Variants in NTRK3 observed in about 807,000 individuals in gnomAD.
NTRK3 encodes the protein neurotrophic receptor tyrosine kinase 3.
NTRK3 carries 24 observed loss-of-function variants against 91.7 expected under a neutral mutation model. That is an observed-to-expected ratio of 0.26 (90% CI 0.19 to 0.37). The LOEUF is 0.37. Ranked by LOEUF, NTRK3 falls within the 10% of genes least tolerant of loss-of-function variation. NTRK3 has a pLI of 1.00. For synonymous variants in NTRK3, 483 were observed against 404.0 expected (o/e 1.20, Z -2.34); for missense variants, 880 against 1,068.9 (o/e 0.82, Z 2.46).
chr15:88,023,767 C>A (rs2077787667), intron 14 of NTRK3, among the ~76,000 whole-genome samples: 1 of 152,200 alleles, frequency 6.6e-6, no homozygotes, highest in South Asian at 2.1e-4. Flanking sequence ...CCCAGCCCAG[C>A]CCTGTAACCA....
chr15:88,247,907 G>A (rs1177880914), intron 3 of NTRK3, among the ~76,000 whole-genome samples: 3 of 152,126 alleles, frequency 2.0e-5, no homozygotes, highest in Non-Finnish European at 1.5e-5. Flanking sequence ...AGGGAAGGAC[G>A]CAGAAAGAAG....
At chr15:88,139,087 G>A (rs1416074210) in intron 6 of NTRK3, among the ~76,000 whole-genome samples, 1 of 152,202 alleles carries the variant, frequency 6.6e-6, no homozygotes, top group East Asian at 1.9e-4. Flanking sequence ...TGCTGACACA[G>A]AGATGAAGAA....
chr15:87,993,197 G>A (rs2075419881), intron 14 of NTRK3, among the ~76,000 whole-genome samples: 1 of 152,128 alleles, frequency 6.6e-6, no homozygotes, highest in South Asian at 2.1e-4. Flanking sequence ...TGGAGTCATG[G>A]CCGTACCATT....
intron 13 of NTRK3, among the ~76,000 whole-genome samples, chr15:88,097,505 A>G (rs2049737336): frequency 1.3e-5 from 2 of 152,248 alleles, no homozygotes; most frequent in Admixed American, 1.3e-4. Flanking sequence ...AACACACTTT[A>G]GCAACATGTT....
At chr15:88,226,002 C>T (rs963871599) in intron 3 of NTRK3, among the ~76,000 whole-genome samples, 3 of 152,182 alleles carry the variant, frequency 2.0e-5, no homozygotes, top group African/African-American at 4.8e-5. Context: ...AAGACAAGGG[C>T]GATCCCAGGA....
chr15:88,180,642 A>G (rs1337097067), intron 5 of NTRK3, among the ~76,000 whole-genome samples: 1 of 150,620 alleles, frequency 6.6e-6, no homozygotes, highest in Non-Finnish European at 1.5e-5. Flanking sequence ...TTCTTATTTT[A>G]TACAGAGGAA....
At position 88,142,612 on chromosome 15, in the gene NTRK3, C is replaced by T. The variant is rs547929867; in HGVS notation, c.464+4723G>A. Among the ~76,000 whole-genome samples the T allele has an allele frequency of 3.3e-5, 5 of 152,312 alleles. No individual in the cohort carries two copies. In the South Asian group the frequency reaches 8.3e-4, roughly 25 times the overall value. On this transcript the variant is annotated intron_variant, in intron 6 of 18. Transcript: ENST00000394480. ...GGGGACCCAGATCAGCCAGGACAGC[C>T]CTGCTGTCACCCAGAAAAGGATCCC... is the stretch of plus-strand genomic sequence containing the variant.
intron 13 of NTRK3, among the ~76,000 whole-genome samples, chr15:88,085,679 G>A (rs921370744): frequency 6.6e-6 from 1 of 152,188 alleles, no homozygotes; most frequent in Non-Finnish European, 1.5e-5. Flanking sequence ...AAGATACATT[G>A]CTTACAATTT....
chr15:88,220,387 G>C (rs1456718988), intron 3 of NTRK3, among the ~76,000 whole-genome samples: 1 of 152,136 alleles, frequency 6.6e-6, no homozygotes, highest in Non-Finnish European at 1.5e-5. Flanking sequence ...GAGACCTGTG[G>C]GTCAGCCCCC....
intron 13 of NTRK3, among the ~76,000 whole-genome samples, chr15:88,073,875 G>A (rs534402373): frequency 6.6e-6 from 1 of 151,838 alleles, no homozygotes; most frequent in East Asian, 1.9e-4. Context: ...AAAAGCATGT[G>A]TCTCCAATGG....
intron 6 of NTRK3, among the ~76,000 whole-genome samples, chr15:88,147,085 A>T (rs2042953084): frequency 6.6e-6 from 1 of 152,202 alleles, no homozygotes; most frequent in African/African-American, 2.4e-5. Flanking sequence ...TACAGATCAC[A>T]AAACTAAGTC....
At chr15:88,238,331 G>A (rs530305998) in intron 3 of NTRK3, among the ~76,000 whole-genome samples, 90 of 151,750 alleles carry the variant, frequency 5.9e-4, no homozygotes, top group African/African-American at 7.7e-4. Context: ...TCTTTTTATC[G>A]CTTAGGGCTT....
At chr15:88,093,479 G>T (rs747038493) in intron 13 of NTRK3, among the ~76,000 whole-genome samples, 2 of 152,118 alleles carry the variant, frequency 1.3e-5, no homozygotes, top group Non-Finnish European at 2.9e-5. Flanking sequence ...CTTATGGATG[G>T]GTGTCAGTTT....
intron 14 of NTRK3, among the ~76,000 whole-genome samples, chr15:87,998,989 T>C (rs1316787743): frequency 2.0e-5 from 3 of 152,050 alleles, no homozygotes; most frequent in African/African-American, 7.2e-5. Context: ...ATTCAATCAA[T>C]CCTCAAAAAT....
chr15:87,881,027 G>A (rs929835073), intron 17 of NTRK3, among the ~76,000 whole-genome samples: 7 of 152,212 alleles, frequency 4.6e-5, no homozygotes, highest in African/African-American at 1.7e-4. Context: ...TTCTTAGTAA[G>A]ATCTCAAAGG....
At chr15:87,936,640 A>G (rs1044264123) in intron 15 of NTRK3, among the ~76,000 whole-genome samples, 1 of 151,942 alleles carries the variant, frequency 6.6e-6, no homozygotes, top group African/African-American at 2.4e-5. Context: ...CATGATATAC[A>G]CACATTCCTA....
intron 17 of NTRK3, among the ~76,000 whole-genome samples, chr15:87,902,909 C>T (rs1298917179): frequency 6.6e-6 from 1 of 152,188 alleles, no homozygotes; most frequent in African/African-American, 2.4e-5. Flanking sequence ...CCGACTCCCC[C>T]TTGCTCCTTC....
intron 5 of NTRK3, among the ~76,000 whole-genome samples, chr15:88,155,548 C>T (rs780607563): frequency 5.9e-5 from 9 of 152,186 alleles, no homozygotes; most frequent in Admixed American, 1.3e-4. Flanking sequence ...ACTAATAGGG[C>T]CACTTTCACA....
chr15:88,118,104 T>C (rs1277360790), intron 13 of NTRK3, among the ~76,000 whole-genome samples: 2 of 152,246 alleles, frequency 1.3e-5, no homozygotes, highest in Admixed American at 6.5e-5. Flanking sequence ...ATGTGGTTTT[T>C]CTTCCCTAGT....
Sources: allele counts gnomAD v4.1 joint callset (sites outside exome capture counted in the v4.1 genomes callset), GRCh38; gene constraint gnomAD v4.1.1; transcripts MANE v1.5; gene names NCBI Gene and HGNC (gene_info 2026-07-23, HGNC 2026-07-21).